The following MAGI1 variants were observed in gnomAD, a reference collection of about 807,000 sequenced individuals.
MAGI1 encodes the protein membrane-associated guanylate kinase, WW and PDZ domain-containing protein 1.
MAGI1 carries 58 observed loss-of-function variants against 139.9 expected under a neutral mutation model. That is an observed-to-expected ratio of 0.41 (90% confidence interval 0.34 to 0.52). The LOEUF (loss-of-function observed/expected upper bound fraction) is 0.52, where lower values mean the gene tolerates loss of function less well. Ranked by LOEUF, MAGI1 falls within the 20% of genes least tolerant of loss-of-function variation. MAGI1 has a pLI of 0.12. For synonymous variants in MAGI1, 812 were observed against 737.9 expected, an observed-to-expected ratio of 1.10 and a Z score of -1.63; for missense variants, 1,874 against 1,901.6, an observed-to-expected ratio of 0.99 and a Z score of 0.27.
At chr3:65,439,533 A>C (rs1559554588) in intron 9 of MAGI1, among the ~76,000 whole-genome samples, 3 of 152,164 alleles carry the variant, frequency 2.0e-5, no homozygotes, top group Non-Finnish European at 4.4e-5. Context: ...CAGTAACTCC[A>C]CTTAAAGTAA....
At chr3:65,440,154 G>A in intron 8 of MAGI1, 142 bp from the exon 9 acceptor site, 1 of 921,428 alleles carries the variant, frequency 1.1e-6, no homozygotes, top group Non-Finnish European at 1.7e-6. Context: ...TGCTCAGTTA[G>A]AAAGAGGAAA....
chr3:65,606,373 C>T (rs1211097953), intron 2 of MAGI1, among the ~76,000 whole-genome samples: 1 of 152,082 alleles, frequency 6.6e-6, no homozygotes, highest in Non-Finnish European at 1.5e-5. Context: ...CAGGATCTTG[C>T]TCTGTCACCC....
intron 1 of MAGI1, among the ~76,000 whole-genome samples, chr3:65,941,794 G>C (rs1197548485): frequency 6.6e-6 from 1 of 152,104 alleles, no homozygotes; most frequent in Non-Finnish European, 1.5e-5. Context: ...TGTTGTTGTT[G>C]TTGCTGCTGT....
chr3:65,600,665 T>C (rs910677416), intron 2 of MAGI1, among the ~76,000 whole-genome samples: 6 of 152,174 alleles, frequency 3.9e-5, no homozygotes, highest in African/African-American at 1.4e-4. Flanking sequence ...GGGCAAGCTA[T>C]GGCTGCAGTG....
Position 65,476,539 on chromosome 3 carries a change from G to A in MAGI1, c.757+2053C>T, listed in dbSNP as rs1950901216. ...TGATAGTAGTTAGAAACAGGAAATT[G>A]CATCTAGACTTACAGTAAACTACCT... On this transcript the variant is annotated intron_variant, in intron 4 of 22. Transcript: ENST00000402939. Among the ~76,000 whole-genome samples the A allele has an allele frequency of 3.3e-5, 5 of 152,116 alleles. No individual in the cohort carries two copies. In the South Asian group the frequency reaches 1.0e-3, roughly 32 times the overall value.
intron 1 of MAGI1, among the ~76,000 whole-genome samples, chr3:65,643,659 A>C (rs369475770): frequency 6.7e-6 from 1 of 148,652 alleles, no homozygotes. Flanking sequence ...GGATGAAGGA[A>C]AACAACAACA....
chr3:65,671,031 C>CCTAA (rs1282577326), intron 1 of MAGI1, among the ~76,000 whole-genome samples: 1 of 152,138 alleles, frequency 6.6e-6, no homozygotes, highest in African/African-American at 2.4e-5. Context: ...TATCATAATA[C>CCTAA]CTAATGCTTA....
chr3:65,763,356 T>C (rs1399866198), intron 1 of MAGI1, among the ~76,000 whole-genome samples: 1 of 152,206 alleles, frequency 6.6e-6, no homozygotes, highest in Non-Finnish European at 1.5e-5. Context: ...AGGGTTCCCA[T>C]GTCACAAAAG....
intron 1 of MAGI1, among the ~76,000 whole-genome samples, chr3:65,717,762 G>GTGA (rs1278359659): frequency 3.9e-5 from 6 of 152,114 alleles, no homozygotes; most frequent in African/African-American, 9.7e-5. Context: ...ATTCTGATTG[G>GTGA]TCCAGCTTAG....
intron 1 of MAGI1, among the ~76,000 whole-genome samples, chr3:65,706,067 A>T (rs979221003): frequency 6.6e-6 from 1 of 152,248 alleles, no homozygotes; most frequent in Admixed American, 6.5e-5. Flanking sequence ...TCAACAGCTC[A>T]GCAAACTAAG....
chr3:65,969,593 G>A (rs756023100), intron 1 of MAGI1, among the ~76,000 whole-genome samples: 1 of 152,156 alleles, frequency 6.6e-6, no homozygotes, highest in African/African-American at 2.4e-5. Context: ...ACTAGAGCAC[G>A]CTTGCACTCA....
intron 1 of MAGI1, among the ~76,000 whole-genome samples, chr3:65,790,621 G>A (rs183429267): frequency 1.2e-4 from 19 of 152,274 alleles, no homozygotes; most frequent in African/African-American, 4.3e-4. Flanking sequence ...TAAGTCCTCT[G>A]GAGTCAGCTG....
chr3:65,388,417 C>T (rs1164398842), intron 14 of MAGI1, among the ~76,000 whole-genome samples: 3 of 152,018 alleles, frequency 2.0e-5, no homozygotes, highest in Non-Finnish European at 4.4e-5. Context: ...GCTCATTTTA[C>T]TGTCTTGGGG....
At chr3:65,461,189 A>G (rs542293306) in intron 5 of MAGI1, among the ~76,000 whole-genome samples, 1 of 152,030 alleles carries the variant, frequency 6.6e-6, no homozygotes, top group Admixed American at 6.6e-5. Context: ...TCTCTCTGGC[A>G]TCTGTTGTTT....
intron 1 of MAGI1, among the ~76,000 whole-genome samples, chr3:65,813,510 A>T (rs2041412780): frequency 6.6e-6 from 1 of 152,244 alleles, no homozygotes; most frequent in South Asian, 2.1e-4. Flanking sequence ...GCAACTACTC[A>T]GAAAAAATAT....
At chr3:65,615,926 A>G (rs2083347402) in intron 2 of MAGI1, among the ~76,000 whole-genome samples, 1 of 152,234 alleles carries the variant, frequency 6.6e-6, no homozygotes, top group African/African-American at 2.4e-5. Flanking sequence ...GACATGGGCA[A>G]TCTTGTGTTT....
intron 1 of MAGI1, among the ~76,000 whole-genome samples, chr3:66,000,305 G>C (rs949990573): frequency 2.6e-5 from 4 of 152,004 alleles, no homozygotes; most frequent in Admixed American, 1.3e-4. Context: ...AAAACAGCTT[G>C]ACATTCCTTC....
intron 3 of MAGI1, among the ~76,000 whole-genome samples, chr3:65,487,562 A>C (rs1951708137): frequency 6.6e-6 from 1 of 152,156 alleles, no homozygotes; most frequent in Admixed American, 6.5e-5. Context: ...AACTAACTTT[A>C]CTGCATTTCC....
At chr3:65,850,407 C>A (rs2059161334) in intron 1 of MAGI1, among the ~76,000 whole-genome samples, 1 of 152,156 alleles carries the variant, frequency 6.6e-6, no homozygotes, top group African/African-American at 2.4e-5. Flanking sequence ...CAGGAACACT[C>A]TCAATCCAGG....
Sources: allele counts gnomAD v4.1 joint callset (sites outside exome capture counted in the v4.1 genomes callset), GRCh38; gene constraint gnomAD v4.1.1; transcripts MANE v1.5; gene names NCBI Gene and HGNC (gene_info 2026-07-23, HGNC 2026-07-21).